FMO1: variants seen among roughly 807,000 people sequenced by gnomAD.
The protein encoded by FMO1 is flavin-containing monooxygenase 1.
A neutral mutation model predicts 45.4 loss-of-function variants in FMO1; 36 were observed. That is an observed-to-expected ratio of 0.79 (90% CI 0.61 to 1.05). The LOEUF is 1.05. Among genes scored for constraint, FMO1 ranks in the 50% least tolerant of loss-of-function variants. The probability of loss-of-function intolerance (pLI) is 0.00; values close to 1 mark genes in which losing one functional copy is unlikely to be tolerated. For synonymous variants in FMO1, 228 were observed against 227.2 expected (o/e 1.00, Z -0.03); for missense variants, 615 against 640.3 (o/e 0.96, Z 0.43).
intron 1 of FMO1, among the ~76,000 whole-genome samples, chr1:171,252,628 A>G (rs922407643): frequency 6.6e-6 from 1 of 152,158 alleles, no homozygotes; most frequent in Non-Finnish European, 1.5e-5. Context: ...TTGTTTCTAC[A>G]AGTACGCTTC....
At position 171,280,790 on chromosome 1, in the gene FMO1, T is replaced by A. The variant is rs1661315429; in HGVS notation, c.632T>A (p.Phe211Tyr). The change falls in exon 6 of 9, where the codon TTC becomes TAC. Residue 211 changes from phenylalanine to tyrosine, a missense_variant. By Grantham distance (22) the Phe-to-Tyr change is conservative (BLOSUM62 3). Coordinates refer to ENST00000617670, the MANE Select transcript of FMO1 (RefSeq NM_001282693.2). The stretch of plus-strand genomic sequence containing the variant: ...GATGTCTTTGATTGCTTCCAGGTGT[T>A]CCTCAGCACCACCGGAGGGGGATGG... ...VEASHLAEKV[F>Y]LSTTGGGWVI... is the part of the protein sequence containing the mutation. The A allele has an allele frequency of 6.2e-7, 1 of 1,611,972 alleles. No homozygotes were observed. The highest frequency in any genetic ancestry group is 8.5e-7 in the Non-Finnish European group (1 of 1,179,502).
chr1:171,281,055 G>A, intron 6 of FMO1, 70 bp downstream of exon 6: 1 of 1,290,122 alleles, frequency 7.8e-7, no homozygotes, highest in Non-Finnish European at 1.1e-6. Context: ...GCCTATACAA[G>A]CCAGGCAGTA....
At chr1:171,281,484 T>C (rs187889205) in intron 6 of FMO1, among the ~76,000 whole-genome samples, 1 of 152,338 alleles carries the variant, frequency 6.6e-6, no homozygotes, top group Admixed American at 6.5e-5. Context: ...TGGCTCAGCT[T>C]ATACAAGATC....
chr1:171,281,401 A>T (rs1392863051), intron 6 of FMO1, among the ~76,000 whole-genome samples: 1 of 152,150 alleles, frequency 6.6e-6, no homozygotes, highest in African/African-American at 2.4e-5. Flanking sequence ...ACTGAATCCC[A>T]TAGTTGCCCC....
At chr1:171,274,658 A>ATTTT (rs1367878972) in intron 3 of FMO1, among the ~76,000 whole-genome samples, 3 of 152,216 alleles carry the variant, frequency 2.0e-5, no homozygotes, top group Non-Finnish European at 2.9e-5. Flanking sequence ...TATTCTTTAA[A>ATTTT]AACTTTAAAA....
rs761476434 is a variant in FMO1 at position 171,285,343 on chromosome 1, C to A, written c.1398C>A (p.Gly466=). 2 of 1,613,990 alleles carry A rather than the reference C, an allele frequency of 1.2e-6. No homozygotes were observed. Among genetic ancestry groups the A allele is most frequent in the Non-Finnish European group, 1.7e-6 (2 of 1,179,964 alleles). ...DPHLALTVFF[G]PCSPYQFRLT... ...ATCTGGCTCTGACCGTCTTCTTTGG[C>A]CCATGCTCACCATACCAGTTCCGCT... Residue 466 remains glycine (G), a synonymous_variant, in exon 9 of 9, where the codon GGC becomes GGA. Transcript: ENST00000617670.
intron 2 of FMO1, among the ~76,000 whole-genome samples, chr1:171,263,816 A>T (rs1413596098): frequency 6.6e-6 from 1 of 152,094 alleles, no homozygotes; most frequent in African/African-American, 2.4e-5. Flanking sequence ...CAGTGTGGGT[A>T]TTGAAGGCTG....
At chr1:171,279,365 T>C (rs1366467316) in intron 5 of FMO1, among the ~76,000 whole-genome samples, 1 of 152,194 alleles carries the variant, frequency 6.6e-6, no homozygotes, top group Non-Finnish European at 1.5e-5. Context: ...AATGTGTTTT[T>C]ACTGCACTAC....
intron 5 of FMO1, 86 bp downstream of exon 5, chr1:171,278,957 A>T (rs1428423131): frequency 1.9e-6 from 2 of 1,055,388 alleles, no homozygotes; most frequent in Non-Finnish European, 2.6e-6. Flanking sequence ...GATAAATGTT[A>T]AAGGAATAAA....
intron 2 of FMO1, among the ~76,000 whole-genome samples, chr1:171,259,346 C>T (rs1660290353): frequency 2.0e-5 from 3 of 152,186 alleles, no homozygotes; most frequent in African/African-American, 7.2e-5. Context: ...ATGTGATCAT[C>T]AATGCATGGA....
Position 171,273,966 on chromosome 1 carries a change from G to A in FMO1, c.322-1380G>A, listed in dbSNP as rs143516756. Reference sequence around the variant, plus strand: ...GGATCAAGACCATCCTGGCTAACACGGCGAAACCCCATCTCTACTAAAAAT... The same window carrying A: ...GGATCAAGACCATCCTGGCTAACACAGCGAAACCCCATCTCTACTAAAAAT... On this transcript the variant is annotated intron_variant, in intron 3 of 8. Transcript: ENST00000617670. Among the ~76,000 whole-genome samples, 743 of 152,106 alleles carry A rather than the reference G, an allele frequency of 4.9e-3. 3 individuals are homozygous for A. The highest frequency in any genetic ancestry group is 0.016 in the African/African-American group (675 of 41,516).
At chr1:171,283,256 T>A (rs1187263113) in intron 8 of FMO1, 40 bp downstream of exon 8, 9 of 196,376 alleles carry the variant, frequency 4.6e-5, no homozygotes, top group Non-Finnish European at 9.3e-5. Context: ...AAATTATAAC[T>A]GAAATTGGTA....
rs1046459075 is a variant in FMO1, at chr1:171,280,779, C to T, written c.628-7C>T. The T allele has an allele frequency of 3.7e-6, 6 of 1,611,172 alleles. No individual in the cohort carries two copies. Among genetic ancestry groups the T allele is most frequent in the Non-Finnish European group, 4.2e-6 (5 of 1,179,028 alleles). On this transcript the variant is annotated splice_polypyrimidine_tract_variant and splice_region_variant and intron_variant, in intron 5 of 8. Coordinates refer to ENST00000617670, the MANE Select transcript of FMO1 (RefSeq NM_001282693.2). ...TCAAATGAAGGGATGTCTTTGATTG[C>T]TTCCAGGTGTTCCTCAGCACCACCG...
chr1:171,261,671 C>T (rs1389793251), intron 2 of FMO1, among the ~76,000 whole-genome samples: 2 of 152,002 alleles, frequency 1.3e-5, no homozygotes, highest in Non-Finnish European at 2.9e-5. Flanking sequence ...ATAGCTTGAG[C>T]CCAGGAGTTC....
intron 3 of FMO1, among the ~76,000 whole-genome samples, chr1:171,272,745 C>A (rs1476130433): frequency 2.0e-5 from 3 of 152,206 alleles, no homozygotes; most frequent in Non-Finnish European, 2.9e-5. Flanking sequence ...TTTGGAATGG[C>A]TGTATTTACC....
Position 171,282,259 on chromosome 1 carries a change from G to A in FMO1, c.1109G>A (p.Gly370Asp), listed in dbSNP as rs1184591569. The change falls in exon 7 of 9, where the codon GGC becomes GAC. Residue 370 changes from glycine (G) to aspartate (D), a missense_variant. Transcript: ENST00000617670. Reference protein sequence around the residue: ...HLQKPTLAIIGLIKPLGSMIP... With the variant: ...HLQKPTLAIIDLIKPLGSMIP... ...CAAAAGCCAACCCTGGCCATTATTG[G>A]CCTCATCAAACCCTTGGGCTCCATG... The A allele has an allele frequency of 6.2e-7, 1 of 1,613,752 alleles. No individual in the cohort carries two copies. Among genetic ancestry groups the A allele is most frequent in the Non-Finnish European group, 8.5e-7 (1 of 1,179,904 alleles).
intron 3 of FMO1, among the ~76,000 whole-genome samples, chr1:171,268,597 A>G (rs1239141109): frequency 1.3e-5 from 2 of 152,010 alleles, no homozygotes; most frequent in Non-Finnish European, 2.9e-5. Context: ...TGAATAATAT[A>G]TCCTTTTTGT....
At chr1:171,275,132 G>A (rs1285119246) in intron 3 of FMO1, among the ~76,000 whole-genome samples, 4 of 152,144 alleles carry the variant, frequency 2.6e-5, no homozygotes, top group African/African-American at 7.2e-5. Context: ...ATTTTTGGAT[G>A]CCACCACTTG....
At chr1:171,256,818 G>C (rs1660180214) in intron 1 of FMO1, among the ~76,000 whole-genome samples, 1 of 152,080 alleles carries the variant, frequency 6.6e-6, no homozygotes, top group Non-Finnish European at 1.5e-5. Context: ...ATAAAAAATA[G>C]CAAATTTTTA....
Sources: allele counts gnomAD v4.1 joint callset (sites outside exome capture counted in the v4.1 genomes callset), GRCh38; gene constraint gnomAD v4.1.1; transcripts MANE v1.5; gene names NCBI Gene and HGNC (gene_info 2026-07-23, HGNC 2026-07-21).